Variants in MSH4 observed in about 807,000 individuals in gnomAD.
MSH4 encodes the protein mutS homolog 4.
Under a neutral mutation model 113.7 loss-of-function variants are expected in MSH4, and 106 were observed. That is an observed-to-expected ratio of 0.93 (90% CI 0.80 to 1.10). The LOEUF (loss-of-function observed/expected upper bound fraction) is 1.10. MSH4 is among the 50% of genes least tolerant of loss of function. The pLI, the probability that MSH4 is intolerant of heterozygous loss-of-function variation, is 0.00. For missense variants in MSH4, 1,061 were observed against 1,093.7 expected, an observed-to-expected ratio of 0.97 and a Z score of 0.42; for synonymous variants, 368 against 380.2, an observed-to-expected ratio of 0.97 and a Z score of 0.37.
intron 19 of MSH4, among the ~76,000 whole-genome samples, chr1:75,907,296 T>G (rs1438045310): frequency 6.6e-6 from 1 of 152,056 alleles, no homozygotes; most frequent in Non-Finnish European, 1.5e-5. Context: ...AGTTTGCAGT[T>G]TTTTTCCCTT....
At chr1:75,872,166 T>C (rs2087911) in intron 9 of MSH4, among the ~76,000 whole-genome samples, 152,151 of 152,326 alleles carry the variant, frequency 1, 75,988 homozygotes, top group Non-Finnish European at 1. Flanking sequence ...TTCCTGTGCA[T>C]TCCCAGATTC....
rs531972602 is a variant in MSH4, at chr1:75,904,177, G to A, written c.2619+4471G>A. Among the ~76,000 whole-genome samples, 4 of 152,208 alleles carry A rather than the reference G, an allele frequency of 2.6e-5. No homozygotes were observed. The South Asian group carries it at 8.3e-4, about 32-fold the overall frequency. ...TATGACATATCATATTTATTGATTT[G>A]CATATGTTTTATCATTCTGGCATCC... On this transcript the variant is annotated intron_variant, in intron 19 of 19. Coordinates refer to ENST00000263187, the MANE Select transcript of MSH4 (RefSeq NM_002440.4).
intron 9 of MSH4, among the ~76,000 whole-genome samples, chr1:75,871,037 A>C (rs534787141): frequency 4.1e-4 from 62 of 152,310 alleles, no homozygotes; most frequent in African/African-American, 1.4e-3. Flanking sequence ...GAAATTCATA[A>C]AGGAAACAGA....
intron 7 of MSH4, among the ~76,000 whole-genome samples, chr1:75,827,217 GAATTTCATCCAGCCAAACTT>G (rs1243778919): frequency 1.3e-5 from 2 of 152,064 alleles, no homozygotes; most frequent in East Asian, 3.9e-4. Context: ...TTTTAACCCA[GAATTTCATCCAGCCAAACTT>G]AATTTCATAA....
chr1:75,891,957 A>T (rs940909090), intron 17 of MSH4, among the ~76,000 whole-genome samples: 1 of 152,176 alleles, frequency 6.6e-6, no homozygotes, highest in Non-Finnish European at 1.5e-5. Flanking sequence ...TGTCAGTTTG[A>T]CTGGGCCACA....
chr1:75,900,824 T>C (rs1172432109), intron 19 of MSH4, among the ~76,000 whole-genome samples: 3 of 152,200 alleles, frequency 2.0e-5, no homozygotes, highest in East Asian at 3.9e-4. Flanking sequence ...TGTTCTGTAC[T>C]CTGAAGAAGC....
chr1:75,905,009 T>G (rs1177315337), intron 19 of MSH4, among the ~76,000 whole-genome samples: 1 of 152,014 alleles, frequency 6.6e-6, no homozygotes, highest in Non-Finnish European at 1.5e-5. Flanking sequence ...AAGATTTGTT[T>G]GTCTTTTGTA....
In MSH4 at chr1:75,797,022, G is replaced by T. The variant is rs1351057743; in HGVS notation, c.37G>T (p.Ala13Ser). Residue 13 changes from alanine (A) to serine (S), a missense_variant, in exon 1 of 20, where the codon GCC becomes TCC. Ala to Ser is a moderately conservative substitution (Grantham distance 99, BLOSUM62 1). Transcript: ENST00000263187. ...TGAGATCTCATCAACCTCGCCTTCT[G>T]CCCCGGCGGTTTCCCCGTCGTCGGG... ...RPEISSTSPS[A>S]PAVSPSSGET... is the part of the protein sequence containing the mutation. 3.7e-6 allele frequency: 6 copies of T among 1,613,996 alleles called. No homozygotes were observed. Among genetic ancestry groups the T allele is most frequent in the Middle Eastern group, 1.6e-4 (1 of 6,084 alleles).
At chr1:75,857,054 T>C (rs1043769780) in intron 8 of MSH4, among the ~76,000 whole-genome samples, 4 of 152,248 alleles carry the variant, frequency 2.6e-5, no homozygotes, top group Non-Finnish European at 5.9e-5. Context: ...ATAAGCATTT[T>C]TTCATATGTC....
intron 19 of MSH4, among the ~76,000 whole-genome samples, chr1:75,906,427 A>C (rs1292590394): frequency 1.9e-5 from 1 of 53,562 alleles, no homozygotes; most frequent in Non-Finnish European, 3.6e-5. Flanking sequence ...TCATTGCTTT[A>C]TATTTTTAAT....
intron 19 of MSH4, among the ~76,000 whole-genome samples, chr1:75,908,551 G>C (rs1308006839): frequency 6.6e-6 from 1 of 152,076 alleles, no homozygotes; most frequent in Non-Finnish European, 1.5e-5. Flanking sequence ...TTGAATTCTT[G>C]ATCTTAGAGC....
At chr1:75,858,416 T>C (rs1321542219) in intron 8 of MSH4, among the ~76,000 whole-genome samples, 1 of 152,230 alleles carries the variant, frequency 6.6e-6, no homozygotes, top group Non-Finnish European at 1.5e-5. Flanking sequence ...CATTAATAGC[T>C]CTTATTATGT....
chr1:75,809,895 G>A (rs2100509068), intron 3 of MSH4, among the ~76,000 whole-genome samples: 1 of 152,016 alleles, frequency 6.6e-6, no homozygotes, highest in Middle Eastern at 3.4e-3. Context: ...AAGTGATGCA[G>A]TCGCCTTGGC....
intron 6 of MSH4, among the ~76,000 whole-genome samples, chr1:75,820,189 G>C (rs893693255): frequency 9.9e-5 from 15 of 152,230 alleles, no homozygotes; most frequent in Non-Finnish European, 1.8e-4. Flanking sequence ...GGAATAAATA[G>C]ACTAGAAAAC....
intron 2 of MSH4, among the ~76,000 whole-genome samples, chr1:75,806,362 C>G (rs1570939848): frequency 6.6e-6 from 1 of 151,434 alleles, no homozygotes; most frequent in East Asian, 2.0e-4. Context: ...ATTCTCCTGC[C>G]TCAGCCTCTC....
intron 7 of MSH4, among the ~76,000 whole-genome samples, chr1:75,825,055 A>G (rs1409107861): frequency 6.6e-6 from 1 of 152,080 alleles, no homozygotes; most frequent in African/African-American, 2.4e-5. Context: ...TACTTTGGGC[A>G]GTATGGCCAT....
At chr1:75,822,932 A>G (rs1251273) in intron 7 of MSH4, among the ~76,000 whole-genome samples, 131,634 of 152,136 alleles carry the variant, frequency 0.87, 57,168 homozygotes, top group South Asian at 0.94. Flanking sequence ...CGGATAGGAT[A>G]TATTAGTTTC....
intron 17 of MSH4, among the ~76,000 whole-genome samples, chr1:75,891,896 A>G (rs1652265121): frequency 6.6e-6 from 1 of 152,228 alleles, no homozygotes; most frequent in African/African-American, 2.4e-5. Flanking sequence ...TAAAGTGCAT[A>G]TATTACTTAA....
chr1:75,872,528 A>G (rs948713378), intron 9 of MSH4, among the ~76,000 whole-genome samples: 11 of 152,210 alleles, frequency 7.2e-5, no homozygotes, highest in Non-Finnish European at 1.2e-4. Context: ...AAAGAAACAA[A>G]CGGATAAACT....
Sources: allele counts gnomAD v4.1 joint callset (sites outside exome capture counted in the v4.1 genomes callset), GRCh38; gene constraint gnomAD v4.1.1; transcripts MANE v1.5; gene names NCBI Gene and HGNC (gene_info 2026-07-23, HGNC 2026-07-21).